The following PDE1C variants were observed in gnomAD, a reference collection of about 807,000 sequenced individuals.
PDE1C encodes phosphodiesterase 1C.
In PDE1C, 62 loss-of-function variants were observed where a neutral mutation model predicts 93.1. The ratio of observed to expected loss-of-function variants is 0.67; its 90% CI spans 0.54 to 0.82. The LOEUF is 0.82. PDE1C is among the 40% of genes least tolerant of loss of function. PDE1C has a pLI of 0.00. For synonymous variants in PDE1C, 325 were observed against 310.1 expected (o/e 1.05, Z -0.50); for missense variants, 742 against 884.6 (o/e 0.84, Z 2.04).
chr7:31,781,735 G>A (rs1783427603), intron 16 of PDE1C, among the ~76,000 whole-genome samples: 1 of 140,980 alleles, frequency 7.1e-6, no homozygotes, highest in Admixed American at 7.7e-5. Flanking sequence ...TCAACCAAGA[G>A]TATATAAATT....
At chr7:31,843,519 A>G (rs1462235273) in intron 9 of PDE1C, among the ~76,000 whole-genome samples, 3 of 151,758 alleles carry the variant, frequency 2.0e-5, no homozygotes, top group Non-Finnish European at 4.4e-5. Context: ...CATTCTACTT[A>G]TTCTTACTGT....
chr7:32,269,896 C>G (rs1219550708), intron 1 of PDE1C, among the ~76,000 whole-genome samples: 1 of 152,130 alleles, frequency 6.6e-6, no homozygotes. Context: ...ACCTCAACCT[C>G]CCGAGTAGCT....
At chr7:32,254,491 T>C (rs976217553) in intron 1 of PDE1C, among the ~76,000 whole-genome samples, 2 of 152,200 alleles carry the variant, frequency 1.3e-5, no homozygotes, top group African/African-American at 4.8e-5. Flanking sequence ...AACTTTAAAA[T>C]GTAGCCAGAA....
chr7:31,987,626 C>T (rs1011353669), intron 2 of PDE1C, among the ~76,000 whole-genome samples: 1 of 152,186 alleles, frequency 6.6e-6, no homozygotes, highest in Non-Finnish European at 1.5e-5. Context: ...AATAAAATAT[C>T]CCCTTCCCTA....
chr7:32,194,165 C>T (rs544354553), intron 2 of PDE1C, among the ~76,000 whole-genome samples: 5 of 152,260 alleles, frequency 3.3e-5, no homozygotes, highest in Admixed American at 6.5e-5. Flanking sequence ...CTGCCCGCCT[C>T]GGCCTCCCAA....
At chr7:31,932,511 TGAGATA>T (rs1285442012) in intron 2 of PDE1C, among the ~76,000 whole-genome samples, 1 of 152,096 alleles carries the variant, frequency 6.6e-6, no homozygotes, top group African/African-American at 2.4e-5. Context: ...AAAACCACAA[TGAGATA>T]CCATCTCATA....
chr7:32,362,289 G>A (rs1017105564), intron 1 of PDE1C, among the ~76,000 whole-genome samples: 1 of 152,052 alleles, frequency 6.6e-6, no homozygotes, highest in Non-Finnish European at 1.5e-5. Flanking sequence ...GACATGGGGG[G>A]AGAATCTGGC....
At chr7:32,071,220 G>A (rs1563284805), upstream of PDE1C, 2 of 985,318 alleles carry the variant, frequency 2.0e-6, no homozygotes. Context: ...ACAAGAGCTC[G>A]GCTCCGCGCG....
chr7:31,978,948 C>T (rs1223728398), intron 2 of PDE1C, among the ~76,000 whole-genome samples: 1 of 152,056 alleles, frequency 6.6e-6, no homozygotes, highest in Non-Finnish European at 1.5e-5. Flanking sequence ...CTCAAAATTC[C>T]TCTTGAAATA....
intron 3 of PDE1C, among the ~76,000 whole-genome samples, chr7:32,089,394 G>A (rs1383495020): frequency 6.6e-6 from 1 of 152,170 alleles, no homozygotes; most frequent in Non-Finnish European, 1.5e-5. Context: ...TGTGAGTTGA[G>A]AGGCTAGCTC....
chr7:31,769,619 C>A (rs1239459745), intron 17 of PDE1C, among the ~76,000 whole-genome samples: 1 of 152,146 alleles, frequency 6.6e-6, no homozygotes, highest in Non-Finnish European at 1.5e-5. Flanking sequence ...AATTCACAAA[C>A]CATAAATTTT....
chr7:32,213,393 T>C (rs532082496), intron 1 of PDE1C, among the ~76,000 whole-genome samples: 1 of 152,334 alleles, frequency 6.6e-6, no homozygotes, highest in Admixed American at 6.5e-5. Context: ...TGACTATTGT[T>C]GGACTATACA....
intron 1 of PDE1C, among the ~76,000 whole-genome samples, chr7:32,318,807 T>C (rs1783225377): frequency 6.6e-6 from 1 of 152,172 alleles, no homozygotes; most frequent in Non-Finnish European, 1.5e-5. Context: ...GCCTTCTGTG[T>C]GACCAAGACC....
the PDE1C span, among the ~76,000 whole-genome samples, chr7:31,619,793 G>A: frequency 6.6e-6 from 1 of 152,182 alleles, no homozygotes; most frequent in Non-Finnish European, 1.5e-5. Context: ...ACAAGCTGAA[G>A]CAGCGCGAGG....
intron 3 of PDE1C, among the ~76,000 whole-genome samples, chr7:32,130,646 T>G (rs987426264): frequency 6.6e-6 from 1 of 152,078 alleles, no homozygotes; most frequent in Non-Finnish European, 1.5e-5. Flanking sequence ...CAAACTCTTC[T>G]TGTCCCTGTA....
chr7:31,996,739 A>G (rs1262214133), intron 2 of PDE1C, among the ~76,000 whole-genome samples: 3 of 152,244 alleles, frequency 2.0e-5, no homozygotes, highest in African/African-American at 7.2e-5. Context: ...CAACATGAAA[A>G]ATCTGTTTAA....
intron 1 of PDE1C, among the ~76,000 whole-genome samples, chr7:32,422,287 G>T (rs1785447443): frequency 6.6e-6 from 1 of 152,086 alleles, no homozygotes; most frequent in South Asian, 2.1e-4. Flanking sequence ...ACACACCAAT[G>T]TTTATTATTA....
At chr7:32,036,530 A>T (rs558302443) in intron 2 of PDE1C, among the ~76,000 whole-genome samples, 88 of 152,220 alleles carry the variant, frequency 5.8e-4, no homozygotes, top group Non-Finnish European at 1.0e-3. Flanking sequence ...TAACAAGGAC[A>T]GAAGATTTTT....
chr7:32,408,720 C>G (rs1250942910), intron 1 of PDE1C, among the ~76,000 whole-genome samples: 1 of 151,936 alleles, frequency 6.6e-6, no homozygotes, highest in Non-Finnish European at 1.5e-5. Context: ...ACCCAGGAGG[C>G]GAAGGTTGCA....
Sources: gnomAD v4.1 joint callset for allele counts (sites outside exome capture counted in the v4.1 genomes callset) on GRCh38, gnomAD v4.1.1 for gene constraint, MANE v1.5 for transcripts, NCBI Gene and HGNC (gene_info 2026-07-23, HGNC 2026-07-21) for gene names.